The following DGAT2L6 variants were observed in gnomAD, a reference collection of about 807,000 sequenced individuals.
DGAT2L6 encodes the protein diacylglycerol O-acyltransferase 2-like protein 6.
A neutral mutation model predicts 25.5 loss-of-function variants in DGAT2L6; 22 were observed. That is an observed-to-expected ratio of 0.86 (90% CI 0.62 to 1.23). DGAT2L6 has a LOEUF of 1.23. DGAT2L6 is among the 50% of genes most tolerant of loss of function. DGAT2L6 has a pLI of 0.00. For missense variants in DGAT2L6, 287 were observed against 253.2 expected (o/e 1.13, Z -0.91); for synonymous variants, 100 against 94.7 (o/e 1.06, Z -0.32).
At chrX:70,199,718 G>A in intron 2 of DGAT2L6, 94 bp from the exon 3 acceptor site, 1 of 851,489 alleles carries the variant, frequency 1.2e-6, no homozygotes, top group Non-Finnish European at 1.7e-6. Flanking sequence ...CCCCTCACGT[G>A]ACCTGAGGAC....
chrX:70,192,633 A>G (rs2085378771), intron 1 of DGAT2L6, among the ~76,000 whole-genome samples: 1 of 112,138 alleles, frequency 8.9e-6, no homozygotes, highest in Admixed American at 9.5e-5. Context: ...CAAAACTTAT[A>G]GAATGCAGCA....
At chrX:70,187,557 A>G (rs1157948767) in intron 1 of DGAT2L6, among the ~76,000 whole-genome samples, 1 of 112,143 alleles carries the variant, frequency 8.9e-6, no homozygotes, top group African/African-American at 3.2e-5. Flanking sequence ...TTATATTTAT[A>G]GTTAACTTAG....
chrX:70,182,821 G>T (rs1395207993), intron 1 of DGAT2L6, among the ~76,000 whole-genome samples: 1 of 111,703 alleles, frequency 9.0e-6, no homozygotes, highest in South Asian at 3.8e-4. Context: ...GCCCGGCTAA[G>T]TTTTTTGTAT....
intron 5 of DGAT2L6, among the ~76,000 whole-genome samples, chrX:70,203,664 C>A (rs1035319292): frequency 1.8e-5 from 2 of 110,717 alleles, no homozygotes; most frequent in Non-Finnish European, 3.8e-5. Flanking sequence ...ACGGTTGGGG[C>A]AGCGTTAGTG....
intron 1 of DGAT2L6, among the ~76,000 whole-genome samples, chrX:70,196,503 G>GAAAAAAAAAAAAAAAAAAAAAA (rs1164024384): frequency 2.8e-5 from 2 of 70,581 alleles, no homozygotes; most frequent in South Asian, 6.8e-4. Flanking sequence ...AAAAAAAAAA[G>GAAAAAAAAAAAAAAAAAAAAAA]AAAGAAAAAA....
At position 70,205,261 on chromosome X, in the gene DGAT2L6, A is replaced by G; in HGVS notation, c.*155A>G. ...TATTTAATAAATCAGAGTTCTAGCA[A>G]TAGAGTCCTCTCCCAAGTGGCTGAG... On this transcript the variant is annotated 3_prime_UTR_variant, in exon 7 of 7. Coordinates refer to ENST00000333026, the MANE Select transcript of DGAT2L6 (RefSeq NM_198512.3). 3.0e-6 allele frequency: 2 copies of G among 667,358 alleles called. No homozygotes were observed. The highest frequency in any genetic ancestry group is 4.1e-6 in the Non-Finnish European group (2 of 491,336). The allele number at this position is 667,358 out of a possible 1,213,427, so 55.0% of individuals were successfully genotyped here. A position where few individuals can be genotyped will look rare whatever the true frequency, so the allele number is the denominator to read the frequency against.
At chrX:70,186,525 G>A (rs746790618) in intron 1 of DGAT2L6, among the ~76,000 whole-genome samples, 1 of 111,642 alleles carries the variant, frequency 9.0e-6, no homozygotes, top group Admixed American at 9.5e-5. Flanking sequence ...TGAGTTGAGG[G>A]AATGGGAAGT....
chrX:70,180,660 C>T (rs2147601144), intron 1 of DGAT2L6, among the ~76,000 whole-genome samples: 1 of 110,941 alleles, frequency 9.0e-6, no homozygotes, highest in Admixed American at 9.6e-5. Flanking sequence ...TTTTATCTTC[C>T]CAAACTGAAA....
At chrX:70,197,002 C>A (rs757427795) in intron 1 of DGAT2L6, among the ~76,000 whole-genome samples, 1 of 110,047 alleles carries the variant, frequency 9.1e-6, no homozygotes, top group South Asian at 3.9e-4. Context: ...TTTTCTTTTC[C>A]CCCAGTGCAC....
At chrX:70,203,961 C>T (rs751272546) in intron 5 of DGAT2L6, among the ~76,000 whole-genome samples, 3 of 110,636 alleles carry the variant, frequency 2.7e-5, no homozygotes, top group East Asian at 2.9e-4. Flanking sequence ...GCAAAAAGGC[C>T]GTAAGGAAGC....
At chrX:70,195,471 C>CACAA (rs1349507337) in intron 1 of DGAT2L6, among the ~76,000 whole-genome samples, 2 of 111,052 alleles carry the variant, frequency 1.8e-5, no homozygotes, top group Admixed American at 1.9e-4. Flanking sequence ...GTGTCACACA[C>CACAA]ACACACACAC....
chrX:70,181,633 A>G (rs905281345), intron 1 of DGAT2L6, among the ~76,000 whole-genome samples: 1 of 112,004 alleles, frequency 8.9e-6, no homozygotes, highest in Non-Finnish European at 1.9e-5. Context: ...ACTATCTAGT[A>G]ACAGAGATAA....
chrX:70,205,182 C>A lies in DGAT2L6; in HGVS notation c.*76C>A. ...GTAGAGCCACAGAAAAAGAAGAATTCCAGGAGAGGGAAAGATCGTAAGGAT... is the reference window on the plus strand; with the variant it reads ...GTAGAGCCACAGAAAAAGAAGAATTACAGGAGAGGGAAAGATCGTAAGGAT... On this transcript the variant is annotated 3_prime_UTR_variant, in exon 7 of 7. Transcript: ENST00000333026. The A allele has an allele frequency of 9.7e-7, 1 of 1,026,298 alleles. No individual in the cohort carries two copies. The highest frequency in any genetic ancestry group is 1.3e-6 in the Non-Finnish European group (1 of 784,520). 84.6% of individuals were successfully genotyped at this position (1,026,298 alleles called of 1,213,427 possible).
intron 1 of DGAT2L6, among the ~76,000 whole-genome samples, chrX:70,189,010 T>A (rs1047809555): frequency 3.0e-5 from 3 of 100,378 alleles, no homozygotes; most frequent in East Asian, 3.2e-4. Context: ...ACAGTTAACA[T>A]CACACTTGAT....
chrX:70,200,533 A>G, intron 4 of DGAT2L6, 74 bp downstream of exon 4: 2 of 963,758 alleles, frequency 2.1e-6, no homozygotes, highest in African/African-American at 1.9e-5. Context: ...CCTGACAATC[A>G]CTACCTGCTT....
intron 1 of DGAT2L6, among the ~76,000 whole-genome samples, chrX:70,191,280 C>T (rs905903388): frequency 1.8e-5 from 2 of 111,383 alleles, no homozygotes; most frequent in African/African-American, 6.5e-5. Flanking sequence ...AAAAACAACA[C>T]ATAAATGAGA....
At chrX:70,203,408 A>G (rs987418383) in intron 5 of DGAT2L6, among the ~76,000 whole-genome samples, 1 of 112,167 alleles carries the variant, frequency 8.9e-6, no homozygotes, top group South Asian at 3.7e-4. Context: ...CAATTTATGG[A>G]AAGATCTTGA....
chrX:70,189,364 T>A (rs115645506), intron 1 of DGAT2L6, among the ~76,000 whole-genome samples: 3,196 of 111,170 alleles, frequency 0.029, 60 homozygotes, highest in African/African-American at 0.045. Flanking sequence ...ATAGAAATTT[T>A]AAAAAAAATA....
intron 1 of DGAT2L6, among the ~76,000 whole-genome samples, chrX:70,198,605 C>T (rs181582102): frequency 4.1e-4 from 46 of 111,264 alleles, no homozygotes; most frequent in Non-Finnish European, 6.0e-4. Flanking sequence ...TGCAATGGCA[C>T]GATCTCAGCT....
Sources: gnomAD v4.1 joint callset for allele counts (sites outside exome capture counted in the v4.1 genomes callset) on GRCh38, gnomAD v4.1.1 for gene constraint, MANE v1.5 for transcripts, NCBI Gene and HGNC (gene_info 2026-07-23, HGNC 2026-07-21) for gene names.